TENM2: variants seen among roughly 807,000 people sequenced by gnomAD.
TENM2 encodes teneurin transmembrane protein 2, also known as teneurin-2.
A neutral mutation model predicts 245.2 loss-of-function variants in TENM2; 52 were observed. The ratio of observed to expected loss-of-function variants is 0.21; its 90% CI spans 0.17 to 0.27. The LOEUF is 0.27. TENM2 is among the 10% of genes least tolerant of loss of function. TENM2 has a pLI of 1.00. For synonymous variants in TENM2, 1,363 were observed against 1,438.9 expected (o/e 0.95, Z 1.19); for missense variants, 3,046 against 3,666.8 (o/e 0.83, Z 4.37).
At chr5:167,353,919 A>AT (rs1487222292) in intron 1 of TENM2, among the ~76,000 whole-genome samples, 23 of 152,310 alleles carry the variant, frequency 1.5e-4, no homozygotes, top group Non-Finnish European at 3.2e-4. Context: ...CTGTTTTATA[A>AT]TTTTTATCTG....
intron 2 of TENM2, among the ~76,000 whole-genome samples, chr5:167,813,950 G>A (rs943495366): frequency 3.9e-5 from 6 of 152,134 alleles, no homozygotes; most frequent in African/African-American, 4.8e-5. Flanking sequence ...TGGGCATCGT[G>A]TTGAGGTTCA....
At chr5:167,532,483 A>G (rs1771574324) in intron 2 of TENM2, among the ~76,000 whole-genome samples, 1 of 152,058 alleles carries the variant, frequency 6.6e-6, no homozygotes, top group African/African-American at 2.4e-5. Flanking sequence ...TCTTACGTGG[A>G]TGGCAGCAGG....
At chr5:168,169,127 C>A (rs7724079) in intron 13 of TENM2, among the ~76,000 whole-genome samples, 51,780 of 151,964 alleles carry the variant, frequency 0.34, 9,426 homozygotes, top group African/African-American at 0.43. Context: ...GGGACTGTCA[C>A]GTGTATGGGT....
At chr5:168,159,879 C>A (rs919736) in intron 12 of TENM2, among the ~76,000 whole-genome samples, 2,339 of 152,320 alleles carry the variant, frequency 0.015, 65 homozygotes, top group African/African-American at 0.054. Flanking sequence ...AAAAAAGCCT[C>A]ATTCAATCTA....
intron 2 of TENM2, among the ~76,000 whole-genome samples, chr5:167,839,953 G>A (rs1769348711): frequency 6.6e-6 from 1 of 152,196 alleles, no homozygotes; most frequent in Non-Finnish European, 1.5e-5. Context: ...AAGTAGCTGG[G>A]ATTACAGGCA....
At chr5:167,758,195 A>C (rs1475222987) in intron 2 of TENM2, among the ~76,000 whole-genome samples, 2 of 152,214 alleles carry the variant, frequency 1.3e-5, no homozygotes, top group Non-Finnish European at 2.9e-5. Flanking sequence ...TGTGGTCCCT[A>C]TAGTGTCATT....
the TENM2 span, among the ~76,000 whole-genome samples, chr5:166,981,731 T>A: frequency 6.6e-6 from 1 of 152,142 alleles, no homozygotes; most frequent in African/African-American, 2.4e-5. Context: ...AGACTATGAG[T>A]ACGTTGATTT....
At chr5:167,909,730 T>C (rs570598305) in intron 3 of TENM2, among the ~76,000 whole-genome samples, 2 of 152,328 alleles carry the variant, frequency 1.3e-5, no homozygotes, top group African/African-American at 4.8e-5. Flanking sequence ...AATGCCTAGA[T>C]GTTACCATGC....
chr5:167,103,739 G>A, the TENM2 span, among the ~76,000 whole-genome samples: 1 of 151,948 alleles, frequency 6.6e-6, no homozygotes, highest in African/African-American at 2.4e-5. Context: ...AAGGTTTTTA[G>A]AAGATATTTT....
intron 2 of TENM2, among the ~76,000 whole-genome samples, chr5:167,744,852 C>CAAAAAAAA: frequency 6.7e-6 from 1 of 149,724 alleles, no homozygotes; most frequent in East Asian, 2.1e-4. Context: ...AACAAAAAAA[C>CAAAAAAAA]CGTGATGGGT....
intron 2 of TENM2, among the ~76,000 whole-genome samples, chr5:167,550,617 C>G (rs904023008): frequency 7.2e-5 from 11 of 151,906 alleles, no homozygotes; most frequent in African/African-American, 2.4e-4. Flanking sequence ...CACACACTTA[C>G]ACTGACAACA....
intron 2 of TENM2, among the ~76,000 whole-genome samples, chr5:167,847,257 C>T (rs1289137686): frequency 6.6e-6 from 1 of 152,152 alleles, no homozygotes; most frequent in Non-Finnish European, 1.5e-5. Flanking sequence ...CCAGCCTCAC[C>T]CTATCTTTAT....
intron 19 of TENM2, among the ~76,000 whole-genome samples, chr5:168,210,675 C>G (rs1200858299): frequency 2.0e-5 from 3 of 151,400 alleles, no homozygotes; most frequent in African/African-American, 7.3e-5. Flanking sequence ...AATCCCTGTG[C>G]AAACCCACCA....
At chr5:167,022,819 C>T in the TENM2 span, among the ~76,000 whole-genome samples, 3 of 152,106 alleles carry the variant, frequency 2.0e-5, no homozygotes, top group Non-Finnish European at 4.4e-5. Flanking sequence ...CTCACTGTCT[C>T]CTGGAAGCCA....
At chr5:167,006,328 TA>T in the TENM2 span, among the ~76,000 whole-genome samples, 1 of 152,220 alleles carries the variant, frequency 6.6e-6, no homozygotes, top group African/African-American at 2.4e-5. Flanking sequence ...TCAAAATTAT[TA>T]AATTGAGGGA....
At chr5:167,733,016 A>G (rs1377471767) in intron 2 of TENM2, among the ~76,000 whole-genome samples, 7 of 152,202 alleles carry the variant, frequency 4.6e-5, no homozygotes, top group African/African-American at 1.7e-4. Context: ...TTATTTTCCT[A>G]TCAGGAAATA....
the TENM2 span, among the ~76,000 whole-genome samples, chr5:166,981,568 CAT>C: frequency 1.3e-5 from 2 of 152,164 alleles, no homozygotes; most frequent in African/African-American, 4.8e-5. Context: ...ATTCCACACA[CAT>C]GTGTAGGAAA....
chr5:167,789,408 C>A (rs1175055568), intron 2 of TENM2, among the ~76,000 whole-genome samples: 3 of 152,162 alleles, frequency 2.0e-5, no homozygotes, highest in Non-Finnish European at 4.4e-5. Flanking sequence ...AAACTCACTT[C>A]ATTCCTCGAC....
the TENM2 span, among the ~76,000 whole-genome samples, chr5:167,187,532 C>T: frequency 3.5e-4 from 53 of 152,204 alleles, no homozygotes; most frequent in African/African-American, 1.1e-3. Flanking sequence ...GACTTGGGGT[C>T]TGGATGGCAT....
Sources: gnomAD v4.1 joint callset for allele counts (sites outside exome capture counted in the v4.1 genomes callset) on GRCh38, gnomAD v4.1.1 for gene constraint, MANE v1.5 for transcripts, NCBI Gene and HGNC (gene_info 2026-07-23, HGNC 2026-07-21) for gene names.